GREB1: variants seen among roughly 807,000 people sequenced by gnomAD.
GREB1 encodes growth regulating estrogen receptor binding 1.
Under a neutral mutation model 200.7 loss-of-function variants are expected in GREB1, and 106 were observed. The ratio of observed to expected loss-of-function variants is 0.53; its 90% CI spans 0.45 to 0.62. GREB1 has a LOEUF of 0.62. Among genes scored for constraint, GREB1 ranks in the 20% least tolerant of loss-of-function variants. The pLI is 0.00. For missense variants in GREB1, 2,243 were observed against 2,556.8 expected (o/e 0.88, Z 2.65); for synonymous variants, 1,132 against 1,092.4 (o/e 1.04, Z -0.72).
chr2:11,592,033 C>T, intron 10 of GREB1: 1 of 979,666 alleles, frequency 1.0e-6, no homozygotes, highest in Non-Finnish European at 1.2e-6. Context: ...GCCTATATTC[C>T]CAGGCTGAAT....
At chr2:11,610,662 A>G (rs1682836373) in intron 17 of GREB1, 26 bp from the exon 18 acceptor site, 1 of 1,568,908 alleles carries the variant, frequency 6.4e-7, no homozygotes, top group South Asian at 1.1e-5. Context: ...GCCGTCACAG[A>G]CATGGTCTCT....
At chr2:11,564,198 G>T (rs1480953535) in intron 3 of GREB1, among the ~76,000 whole-genome samples, 1 of 152,150 alleles carries the variant, frequency 6.6e-6, no homozygotes, top group Non-Finnish European at 1.5e-5. Flanking sequence ...GATGAGACGT[G>T]GTGTGAAGGC....
chr2:11,624,228 C>T (rs1684244467), intron 23 of GREB1, among the ~76,000 whole-genome samples: 1 of 152,186 alleles, frequency 6.6e-6, no homozygotes, highest in African/African-American at 2.4e-5. Context: ...TCACCCGGAA[C>T]AACTGCCAGT....
Position 11,597,670 on chromosome 2 carries a change from T to C in GREB1, c.1955-111T>C, listed in dbSNP as rs1219553803. 2.2e-6 allele frequency: 2 copies of C among 907,182 alleles called. No homozygotes were observed. Among genetic ancestry groups the C allele is most frequent in the Non-Finnish European group, 3.6e-6 (2 of 553,110 alleles). The allele number at this position is 907,182 out of a possible 1,614,324, so 56.2% of individuals were successfully genotyped here. A position where few individuals can be genotyped will look rare whatever the true frequency, so the allele number is the denominator to read the frequency against. On this transcript the variant is annotated intron_variant, in intron 13 of 32. Transcript: ENST00000381486. This position sits in a 1 kb window ranked among gnomAD's most constrained non-coding sequence, Gnocchi z 4.1. ...AGTTATTCCCCTTTCCCTCATCGCT[T>C]TGTGAATGGGGCCGTCTCCCCTGGA...
chr2:11,511,433 G>A lies in GREB1; in HGVS notation c.-159+29052G>A, dbSNP rs373495008. ...GAATAGAGCAGGGGATGGCATTCTA[G>A]GTGGGGTAAACTTTGGGCCAAGGCA... is the stretch of plus-strand genomic sequence containing the variant. On this transcript the variant is annotated intron_variant, in intron 1 of 2. Coordinates refer to the GREB1 transcript ENST00000628795. Among the ~76,000 whole-genome samples, 591 of 152,254 alleles carry A rather than the reference G, an allele frequency of 3.9e-3. 3 individuals are homozygous for A. Among genetic ancestry groups the A allele is most frequent in the Middle Eastern group, 0.017 (5 of 294 alleles).
chr2:11,586,058 C>T (rs1206427507), intron 9 of GREB1, among the ~76,000 whole-genome samples, 153 bp downstream of exon 9: 1 of 152,212 alleles, frequency 6.6e-6, no homozygotes, highest in African/African-American at 2.4e-5. Flanking sequence ...AAGAACAAGG[C>T]AGAGCCAGTC....
intron 15 of GREB1, among the ~76,000 whole-genome samples, chr2:11,599,379 G>A (rs1426770047): frequency 6.2e-5 from 9 of 145,152 alleles, no homozygotes; most frequent in East Asian, 2.0e-4. Flanking sequence ...TCACTCTGTC[G>A]CCCAGGCTGG....
intron 2 of GREB1, among the ~76,000 whole-genome samples, chr2:11,560,187 A>C (rs897611097): frequency 6.6e-6 from 1 of 152,166 alleles, no homozygotes; most frequent in Non-Finnish European, 1.5e-5. Context: ...AGATGCACAG[A>C]GAGGTTAAGT....
chr2:11,617,609 C>A (rs534115366), intron 21 of GREB1, among the ~76,000 whole-genome samples: 2 of 152,366 alleles, frequency 1.3e-5, no homozygotes, highest in South Asian at 2.1e-4. Flanking sequence ...CTCAGTCGGG[C>A]CTTGCGGAAG....
rs560962168 is a variant in GREB1, at chr2:11,633,029, G to A, written c.4957G>A (p.Val1653Met). 7.4e-6 allele frequency: 12 copies of A among 1,614,212 alleles called. No homozygotes were observed. The highest frequency in any genetic ancestry group is 2.7e-5 in the African/African-American group (2 of 75,054). Residue 1653 changes from valine to methionine, a missense_variant, in exon 28 of 33, where the codon GTG becomes ATG. Physicochemically the swap from Val to Met is conservative, Grantham distance 21 (BLOSUM62 1). Coordinates refer to ENST00000381486, the MANE Select transcript of GREB1 (RefSeq NM_014668.4). This position sits in a 1 kb window ranked among gnomAD's most constrained non-coding sequence, Gnocchi z 4.1. ...ISDDSCVMWN[V>M]VDVNSAGERS... ...TGATGACTCCTGCGTGATGTGGAAC[G>A]TGGTGGATGTCAACTCTGCTGGGGA...
rs1185319887 is a variant in GREB1 at position 11,633,288 on chromosome 2, C to T, written c.4991+225C>T. ...TTTAAAAAATTGTTATTGGGCCGGG[C>T]GCGGTGGCTCATGCCTGTAATCCCA... On this transcript the variant is annotated intron_variant, in intron 28 of 32. Coordinates refer to ENST00000381486, the MANE Select transcript of GREB1 (RefSeq NM_014668.4). The surrounding 1 kb of genome is among the most constrained non-coding windows in gnomAD (Gnocchi z 4.1). 6.6e-6 allele frequency among the ~76,000 whole-genome samples: 1 copy of T among 152,034 alleles called. No individual in the cohort carries two copies. Among genetic ancestry groups the T allele is most frequent in the East Asian group, 1.9e-4 (1 of 5,172 alleles).
At chr2:11,524,977 CT>C (rs966975645) in intron 1 of GREB1, among the ~76,000 whole-genome samples, 4 of 152,152 alleles carry the variant, frequency 2.6e-5, no homozygotes, top group African/African-American at 9.7e-5. Flanking sequence ...ATGTTTCTCT[CT>C]TCTGGTTTGG....
rs767002135 is a variant in GREB1 at position 11,618,389 on chromosome 2, GC to G, written c.3518del (p.Pro1173LeufsTer77). The G allele has an allele frequency of 2.8e-5, 45 of 1,611,798 alleles. No individual in the cohort carries two copies. The highest frequency in any genetic ancestry group is 3.8e-5 in the Non-Finnish European group (45 of 1,179,426). ...QPRGPAEEGR[A>X]PGEKQRPRAS... The stretch of plus-strand genomic sequence containing the variant: ...CCGTGGCCCCGCAGAGGAGGGCAGA[GC>G]CCCTGGTGAGAAACAGAGGCCCCGG... On this transcript the variant is annotated frameshift_variant, in exon 22 of 33. Transcript: ENST00000381486. LOFTEE classifies it high-confidence loss of function.
intron 27 of GREB1, 148 bp from the exon 28 acceptor site, chr2:11,632,741 A>G (rs1684985857): frequency 1.6e-6 from 1 of 642,060 alleles, no homozygotes; most frequent in African/African-American, 1.8e-5. Flanking sequence ...TCCCTAGCCC[A>G]TGGGCTGTGT....
In GREB1 at chr2:11,631,989, A is replaced by C. The variant is rs375695114; in HGVS notation, c.4692A>C (p.Ala1564=). ...ATGGGCTCTTTAATCTGTACCACGC[A>C]ATGGACGGTGCCAGCCATTTGCACG... ...HEHGLFNLYH[A]MDGASHLHVL... The change falls in exon 27 of 33, where the codon GCA becomes GCC. Residue 1564 remains alanine (A), a synonymous_variant. Transcript: ENST00000381486. 4.3e-6 allele frequency: 7 copies of C among 1,613,942 alleles called. No individual in the cohort carries two copies. The highest frequency in any genetic ancestry group is 5.9e-6 in the Non-Finnish European group (7 of 1,179,974).
upstream of GREB1, among the ~76,000 whole-genome samples, chr2:11,531,505 A>G (rs1674073064): frequency 6.6e-6 from 1 of 152,106 alleles, no homozygotes; most frequent in South Asian, 2.1e-4. Flanking sequence ...ATGATTAGAA[A>G]CAAGAAAAAA....
chr2:11,587,588 G>A (rs953792149), intron 9 of GREB1: 5 of 1,485,126 alleles, frequency 3.4e-6, no homozygotes, highest in Admixed American at 4.3e-5. Context: ...TGTGCCCCAG[G>A]CACCAGCTTT....
chr2:11,529,688 T>C (rs1674001058), upstream of GREB1, among the ~76,000 whole-genome samples: 1 of 152,180 alleles, frequency 6.6e-6, no homozygotes. Flanking sequence ...ATACCTCAAA[T>C]AGACATAACA....
chr2:11,520,013 T>C, intron 1 of GREB1, among the ~76,000 whole-genome samples: 1 of 152,026 alleles, frequency 6.6e-6, no homozygotes, highest in East Asian at 1.9e-4. Flanking sequence ...TGCCTTGGGT[T>C]TGTGGTCCCA....
Sources: gnomAD v4.1 joint callset for allele counts (sites outside exome capture counted in the v4.1 genomes callset) on GRCh38, gnomAD v4.1.1 for gene constraint, Gnocchi (gnomAD v3.1) non-coding constraint, MANE v1.5 for transcripts, NCBI Gene and HGNC (gene_info 2026-07-23, HGNC 2026-07-21) for gene names.